Variants in GRIK4 observed in about 807,000 individuals in gnomAD.
The protein encoded by GRIK4 is glutamate receptor ionotropic, kainate 4.
A neutral mutation model predicts 104.9 loss-of-function variants in GRIK4; 40 were observed. That is an observed-to-expected ratio of 0.38 (90% CI 0.30 to 0.50). The LOEUF (loss-of-function observed/expected upper bound fraction) is 0.50. Among genes scored for constraint, GRIK4 ranks in the 20% least tolerant of loss-of-function variants. The probability of loss-of-function intolerance (pLI) is 0.93; values close to 1 mark genes in which losing one functional copy is unlikely to be tolerated. For missense variants in GRIK4, 1,047 were observed against 1,308.1 expected (o/e 0.80, Z 3.08); for synonymous variants, 485 against 524.9 (o/e 0.92, Z 1.04).
chr11:120,762,303 C>T (rs756631853), intron 3 of GRIK4, among the ~76,000 whole-genome samples: 203 of 152,350 alleles, frequency 1.3e-3, no homozygotes, highest in Non-Finnish European at 2.0e-3. Context: ...TATCCTAAGA[C>T]TTTGCTGAAG....
intron 1 of GRIK4, among the ~76,000 whole-genome samples, chr11:120,578,872 T>C (rs1336867646): frequency 2.0e-5 from 3 of 152,172 alleles, no homozygotes; most frequent in Non-Finnish European, 2.9e-5. Context: ...GGGTTGCAAC[T>C]GTCTCCAGCC....
chr11:120,611,588 G>T, intron 1 of GRIK4, among the ~76,000 whole-genome samples: 1 of 152,166 alleles, frequency 6.6e-6, no homozygotes, highest in East Asian at 1.9e-4. Context: ...GCTCTCATCT[G>T]TTCTTCAAGA....
chr11:120,783,855 G>A (rs563696334), intron 3 of GRIK4, among the ~76,000 whole-genome samples: 20 of 152,288 alleles, frequency 1.3e-4, no homozygotes, highest in Non-Finnish European at 2.4e-4. Context: ...GGAAAAAAAC[G>A]ATGCATAATA....
chr11:120,624,239 T>A (rs1366093794), intron 1 of GRIK4, among the ~76,000 whole-genome samples: 1 of 152,184 alleles, frequency 6.6e-6, no homozygotes, highest in Non-Finnish European at 1.5e-5. Context: ...TGAGGTCCCC[T>A]TGGGGTTTGG....
chr11:120,652,613 T>C (rs950186851), intron 1 of GRIK4, among the ~76,000 whole-genome samples: 1 of 152,062 alleles, frequency 6.6e-6, no homozygotes, highest in African/African-American at 2.4e-5. Flanking sequence ...CCATTTTTTT[T>C]TTTGAGGAGC....
Position 120,862,648 on chromosome 11 carries a change from G to T in GRIK4, c.906+528G>T, listed in dbSNP as rs1250945875. On this transcript the variant is annotated intron_variant, in intron 9 of 20. Coordinates refer to ENST00000527524, the MANE Select transcript of GRIK4 (RefSeq NM_014619.5). ...CACTTCCTGCGTCACGGCTCATCCA[G>T]AATGGCTCCCTTCTGCCCAGTCCCT... 2.6e-5 allele frequency among the ~76,000 whole-genome samples: 4 copies of T among 152,234 alleles called. No individual in the cohort carries two copies. The East Asian group carries it at 7.7e-4, about 29-fold the overall frequency.
intron 3 of GRIK4, among the ~76,000 whole-genome samples, chr11:120,673,690 T>C (rs1950056184): frequency 6.6e-6 from 1 of 152,216 alleles, no homozygotes; most frequent in South Asian, 2.1e-4. Flanking sequence ...CCCAAGCTCC[T>C]CTGGGACTAT....
intron 11 of GRIK4, among the ~76,000 whole-genome samples, chr11:120,885,923 A>T (rs1342728530): frequency 5.3e-5 from 8 of 152,150 alleles, no homozygotes; most frequent in Non-Finnish European, 5.9e-5. Context: ...GAGAACAGCC[A>T]ATGTGGTTTT....
chr11:120,636,841 A>G (rs1286848461), intron 1 of GRIK4, among the ~76,000 whole-genome samples: 1 of 151,174 alleles, frequency 6.6e-6, no homozygotes, highest in African/African-American at 2.4e-5. Flanking sequence ...CTCCGTCTCA[A>G]AAAAAAAAGA....
intron 1 of GRIK4, among the ~76,000 whole-genome samples, chr11:120,619,366 G>A (rs1287607469): frequency 6.6e-6 from 1 of 152,164 alleles, no homozygotes; most frequent in African/African-American, 2.4e-5. Flanking sequence ...AGGCTCATAG[G>A]CAGAAGAGAC....
intron 1 of GRIK4, among the ~76,000 whole-genome samples, chr11:120,590,210 C>T (rs1175872911): frequency 1.3e-5 from 2 of 152,144 alleles, no homozygotes; most frequent in Non-Finnish European, 2.9e-5. Flanking sequence ...GCACCTTGCC[C>T]CTGACACCCT....
At chr11:120,957,570 G>T (rs530136672) in intron 16 of GRIK4, among the ~76,000 whole-genome samples, 1 of 109,180 alleles carries the variant, frequency 9.2e-6, no homozygotes, top group South Asian at 2.9e-4. Flanking sequence ...CCATTATGGG[G>T]GCAAAGGAAA....
intron 3 of GRIK4, among the ~76,000 whole-genome samples, chr11:120,711,567 A>G (rs978518664): frequency 6.6e-6 from 1 of 152,208 alleles, no homozygotes; most frequent in Non-Finnish European, 1.5e-5. Flanking sequence ...TCAGAATCTA[A>G]GAGCAGAGAC....
At chr11:120,536,068 A>T (rs1947970594) in intron 1 of GRIK4, among the ~76,000 whole-genome samples, 1 of 152,250 alleles carries the variant, frequency 6.6e-6, no homozygotes, top group African/African-American at 2.4e-5. Flanking sequence ...AAGATTATAA[A>T]GCCATCCTTG....
intron 8 of GRIK4, among the ~76,000 whole-genome samples, chr11:120,852,970 G>A (rs372714467): frequency 6.6e-6 from 1 of 152,324 alleles, no homozygotes; most frequent in East Asian, 1.9e-4. Flanking sequence ...AGCCTGACAA[G>A]TGCTGCCTTC....
rs1343539676 is a variant in GRIK4 at position 120,952,825 on chromosome 11, G to A, written c.1591-30G>A. 1.8e-5 allele frequency: 27 copies of A among 1,461,230 alleles called. No individual in the cohort carries two copies. The highest frequency in any genetic ancestry group is 4.5e-5 in the East Asian group (2 of 44,186). The allele number at this position is 1,461,230 out of a possible 1,614,324, so 90.5% of individuals were successfully genotyped here. ...AAGGTCATGTTGACTGAATATGTGC[G>A]GTGAATCTTGTTTTTCTCTCCATTT... On this transcript the variant is annotated intron_variant, in intron 14 of 20. Transcript: ENST00000527524. The surrounding 1 kb of genome is among the most constrained non-coding windows in gnomAD (Gnocchi z 5.2).
At chr11:120,661,853 C>G (rs904853771) in intron 3 of GRIK4, among the ~76,000 whole-genome samples, 3 of 152,006 alleles carry the variant, frequency 2.0e-5, no homozygotes, top group African/African-American at 4.8e-5. Flanking sequence ...AATTAAAAAA[C>G]AAAATTTTCC....
At chr11:120,714,966 G>T (rs1428719940) in intron 3 of GRIK4, among the ~76,000 whole-genome samples, 1 of 152,216 alleles carries the variant, frequency 6.6e-6, no homozygotes, top group Non-Finnish European at 1.5e-5. Flanking sequence ...TCCTTTAGCT[G>T]CAGAGTGGCA....
chr11:120,887,281 G>A (rs1288617294), intron 11 of GRIK4, among the ~76,000 whole-genome samples: 1 of 152,142 alleles, frequency 6.6e-6, no homozygotes, highest in African/African-American at 2.4e-5. Context: ...GGGAAGCAGT[G>A]CTGCCCGTGG....
Sources: gnomAD v4.1 joint callset for allele counts (sites outside exome capture counted in the v4.1 genomes callset) on GRCh38, gnomAD v4.1.1 for gene constraint, Gnocchi (gnomAD v3.1) non-coding constraint, MANE v1.5 for transcripts, NCBI Gene and HGNC (gene_info 2026-07-23, HGNC 2026-07-21) for gene names.